INPP4A: variants seen among roughly 807,000 people sequenced by gnomAD.
INPP4A encodes inositol polyphosphate-4-phosphatase type I A.
A neutral mutation model predicts 119.8 loss-of-function variants in INPP4A; 33 were observed. The ratio of observed to expected loss-of-function variants is 0.28; its 90% CI spans 0.21 to 0.37. The LOEUF is 0.37. INPP4A is among the 10% of genes least tolerant of loss of function. The pLI is 1.00. For synonymous variants in INPP4A, 496 were observed against 500.7 expected (o/e 0.99, Z 0.12); for missense variants, 956 against 1,289.9 (o/e 0.74, Z 3.97).
At chr2:98,451,149 T>G (rs1040355539) in intron 1 of INPP4A, among the ~76,000 whole-genome samples, 9 of 152,086 alleles carry the variant, frequency 5.9e-5, no homozygotes, top group Non-Finnish European at 1.0e-4. Context: ...CTCTTTCTGG[T>G]CTTTGCACAT....
chr2:98,577,792 T>C (rs942618991), intron 24 of INPP4A, among the ~76,000 whole-genome samples: 2 of 152,194 alleles, frequency 1.3e-5, no homozygotes, highest in African/African-American at 4.8e-5. Context: ...CGATGCCTTG[T>C]TTCAAGCACT....
chr2:98,543,347 G>T (rs115349603), intron 10 of INPP4A, among the ~76,000 whole-genome samples: 1 of 152,210 alleles, frequency 6.6e-6, no homozygotes, highest in Non-Finnish European at 1.5e-5. Flanking sequence ...TATCCGGGAG[G>T]GCAGAAGGCC....
chr2:98,460,017 C>T (rs1278348878), intron 1 of INPP4A, among the ~76,000 whole-genome samples: 2 of 152,166 alleles, frequency 1.3e-5, no homozygotes, highest in African/African-American at 2.4e-5. Flanking sequence ...CCTTGGCACA[C>T]AAGCCCTTTT....
chr2:98,478,018 C>A (rs1307673727), intron 1 of INPP4A, among the ~76,000 whole-genome samples: 1 of 152,186 alleles, frequency 6.6e-6, no homozygotes, highest in Non-Finnish European at 1.5e-5. Flanking sequence ...CGGCCTACAA[C>A]CTACTGTTAT....
At chr2:98,531,636 A>G (rs1483326061) in intron 4 of INPP4A, among the ~76,000 whole-genome samples, 1 of 152,218 alleles carries the variant, frequency 6.6e-6, no homozygotes, top group Non-Finnish European at 1.5e-5. Context: ...AGTAGCAACA[A>G]CTAGACCGAC....
chr2:98,504,400 C>T (rs1256888376), intron 1 of INPP4A, among the ~76,000 whole-genome samples: 1 of 151,930 alleles, frequency 6.6e-6, no homozygotes, highest in Non-Finnish European at 1.5e-5. Flanking sequence ...ACCACTTTGC[C>T]AGAGATCTAC....
chr2:98,467,442 C>T (rs913732804), intron 1 of INPP4A, among the ~76,000 whole-genome samples: 8 of 152,282 alleles, frequency 5.3e-5, no homozygotes, highest in East Asian at 1.9e-4. Context: ...TCTGTTTAAA[C>T]GCTTTCTCCT....
At chr2:98,585,237 T>C (rs534233837) in intron 24 of INPP4A, among the ~76,000 whole-genome samples, 2 of 152,160 alleles carry the variant, frequency 1.3e-5, no homozygotes, top group African/African-American at 4.8e-5. Flanking sequence ...TGCTCAGCCA[T>C]AGAATCACTA....
intron 1 of INPP4A, among the ~76,000 whole-genome samples, chr2:98,477,717 C>T (rs80281354): frequency 1.8e-3 from 272 of 152,344 alleles, no homozygotes; most frequent in African/African-American, 6.2e-3. Context: ...GTCTGATGAA[C>T]AGAGGCTTTC....
At chr2:98,463,311 A>G (rs1374318052) in intron 1 of INPP4A, among the ~76,000 whole-genome samples, 2 of 152,180 alleles carry the variant, frequency 1.3e-5, no homozygotes, top group Non-Finnish European at 2.9e-5. Flanking sequence ...GACCTTAATG[A>G]CAGCCAGGCC....
In INPP4A at chr2:98,590,036, C is replaced by CTA. The variant is rs532839028; in HGVS notation, c.*2439_*2440dup. ...TATTTATTTGTTTTGGGCAGTATTA[C>CTA]TATATATATATAAACATACAGTTAC... is the stretch of plus-strand genomic sequence containing the variant. On this transcript the variant is annotated 3_prime_UTR_variant, in exon 25 of 25. Coordinates refer to ENST00000409851, the MANE Select transcript of INPP4A (RefSeq NM_001134225.2). The CTA allele has an allele frequency of 2.5e-4, 48 of 189,296 alleles. No individual in the cohort carries two copies. In the East Asian group the frequency reaches 2.8e-3, roughly 11 times the overall value. The allele number at this position is 189,296 out of a possible 1,614,324, so 11.7% of individuals were successfully genotyped here. A position where few individuals can be genotyped will look rare whatever the true frequency, so the allele number is the denominator to read the frequency against.
At position 98,485,462 on chromosome 2, in the gene INPP4A, G is replaced by T. The variant is rs553369800; in HGVS notation, c.-165-33502G>T. Reference sequence around the variant, plus strand: ...CCAAGCCTGCAGTAAGAGAACTATGGCAATCATCTTTCTTTTTAACATATC... The same window carrying T: ...CCAAGCCTGCAGTAAGAGAACTATGTCAATCATCTTTCTTTTTAACATATC... On this transcript the variant is annotated intron_variant, in intron 1 of 24. Coordinates refer to ENST00000409851, the MANE Select transcript of INPP4A (RefSeq NM_001134225.2). 1.8e-3 allele frequency among the ~76,000 whole-genome samples: 274 copies of T among 152,184 alleles called. 4 individuals carry two copies. Among genetic ancestry groups the T allele is most frequent in the Non-Finnish European group, 3.1e-4 (21 of 68,006 alleles).
At chr2:98,579,350 C>T (rs866018724) in intron 24 of INPP4A, among the ~76,000 whole-genome samples, 2 of 152,276 alleles carry the variant, frequency 1.3e-5, no homozygotes, top group Middle Eastern at 3.4e-3. Flanking sequence ...CATGCCCAGC[C>T]GCATTTTACA....
At chr2:98,549,707 G>C (rs1693150845) in intron 13 of INPP4A, among the ~76,000 whole-genome samples, 1 of 152,148 alleles carries the variant, frequency 6.6e-6, no homozygotes, top group Non-Finnish European at 1.5e-5. Flanking sequence ...GAGGTGTCAG[G>C]CTCTGCTGGT....
rs113074862 is a variant in INPP4A at position 98,580,908 on chromosome 2, A to G, written c.2786+3765A>G. Reference sequence around the variant, plus strand: ...AGAAGCCCCAAATTTCTAGTGTGGTATTGTTTGGATTCCACCCTTGGGGAT... The same window carrying G: ...AGAAGCCCCAAATTTCTAGTGTGGTGTTGTTTGGATTCCACCCTTGGGGAT... On this transcript the variant is annotated intron_variant, in intron 24 of 24. Transcript: ENST00000409851. Among the ~76,000 whole-genome samples, 867 of 152,300 alleles carry G rather than the reference A, an allele frequency of 5.7e-3. 6 individuals carry two copies. Among genetic ancestry groups the G allele is most frequent in the African/African-American group, 0.02 (830 of 41,556 alleles).
chr2:98,510,182 T>C (rs771407979), intron 1 of INPP4A, among the ~76,000 whole-genome samples: 1 of 152,062 alleles, frequency 6.6e-6, no homozygotes, highest in Non-Finnish European at 1.5e-5. Flanking sequence ...GTCGTACTTG[T>C]GGGGAAGATA....
intron 11 of INPP4A, 54 bp from the exon 12 acceptor site, chr2:98,545,915 G>A: frequency 4.7e-6 from 6 of 1,282,838 alleles, no homozygotes; most frequent in South Asian, 1.4e-5. Context: ...CTTGCAACTC[G>A]TGAATGCAGC....
At chr2:98,447,501 A>G (rs1271282795) in intron 1 of INPP4A, among the ~76,000 whole-genome samples, 1 of 152,126 alleles carries the variant, frequency 6.6e-6, no homozygotes, top group Non-Finnish European at 1.5e-5. Flanking sequence ...AGCTAATCCC[A>G]GGGAATTTAC....
chr2:98,542,416 G>T (rs1691640822), intron 10 of INPP4A, among the ~76,000 whole-genome samples: 1 of 151,898 alleles, frequency 6.6e-6, no homozygotes, highest in Non-Finnish European at 1.5e-5. Flanking sequence ...AAACATGAGT[G>T]CAGTATAAAA....
Sources: gnomAD v4.1 joint callset for allele counts (sites outside exome capture counted in the v4.1 genomes callset) on GRCh38, gnomAD v4.1.1 for gene constraint, MANE v1.5 for transcripts, NCBI Gene and HGNC (gene_info 2026-07-23, HGNC 2026-07-21) for gene names.